Variants in MICAL2 observed in about 807,000 individuals in gnomAD.
MICAL2 encodes the protein [F-actin]-monooxygenase MICAL2.
Under a neutral mutation model 127.3 loss-of-function variants are expected in MICAL2, and 77 were observed. The ratio of observed to expected loss-of-function variants is 0.60; its 90% CI spans 0.50 to 0.73. MICAL2 has a LOEUF of 0.73. MICAL2 is among the 30% of genes least tolerant of loss of function. The pLI is 0.00. For synonymous variants in MICAL2, 570 were observed against 551.1 expected (o/e 1.03, Z -0.48); for missense variants, 1,351 against 1,434.4 (o/e 0.94, Z 0.94).
intron 34 of MICAL2, among the ~76,000 whole-genome samples, chr11:12,357,613 C>T (rs1234072108): frequency 6.6e-6 from 1 of 152,076 alleles, no homozygotes; most frequent in East Asian, 1.9e-4. Flanking sequence ...CTTAGGTGGG[C>T]TGATCACTAG....
chr11:12,166,060 G>A (rs1166554155), intron 3 of MICAL2, among the ~76,000 whole-genome samples: 1 of 152,164 alleles, frequency 6.6e-6, no homozygotes, highest in Non-Finnish European at 1.5e-5. Flanking sequence ...TGTTACACCC[G>A]ACTGAGTAGT....
Position 12,180,077 on chromosome 11 carries a change from A to G in MICAL2, c.264+17658A>G, listed in dbSNP as rs1857253722. On this transcript the variant is annotated intron_variant, in intron 3 of 27. Coordinates refer to ENST00000683283, the MANE Select transcript of MICAL2 (RefSeq NM_001282663.2). ...CCTTATCCCCTAACACACTGAAATC[A>G]GGGTTCATTCCCCTGTGCTAGTAGA... 2.6e-5 allele frequency among the ~76,000 whole-genome samples: 4 copies of G among 152,310 alleles called. No individual in the cohort carries two copies. In the South Asian group the frequency reaches 8.3e-4, roughly 32 times the overall value.
At chr11:12,152,269 G>T (rs1280964205) in intron 2 of MICAL2, among the ~76,000 whole-genome samples, 4 of 114,716 alleles carry the variant, frequency 3.5e-5, no homozygotes, top group African/African-American at 7.0e-5. Flanking sequence ...CTGCACTCTA[G>T]CTTTGGCAAC....
chr11:12,211,528 T>G (rs774185545), intron 6 of MICAL2, among the ~76,000 whole-genome samples: 10 of 152,218 alleles, frequency 6.6e-5, no homozygotes, highest in Non-Finnish European at 1.0e-4. Context: ...AGGTTATGTC[T>G]GGAGGTCTGC....
intron 2 of MICAL2, among the ~76,000 whole-genome samples, chr11:12,284,368 T>C (rs532685491): frequency 2.0e-5 from 3 of 152,208 alleles, no homozygotes; most frequent in African/African-American, 7.2e-5. Context: ...CTGAAAGTGC[T>C]CCTTTAAAAT....
intron 17 of MICAL2, 65 bp from the exon 18 acceptor site, chr11:12,240,975 T>C: frequency 6.3e-7 from 1 of 1,584,468 alleles, no homozygotes; most frequent in South Asian, 1.2e-5. Context: ...AGCCTCTCAA[T>C]CTGACTCACC....
intron 32 of MICAL2, among the ~76,000 whole-genome samples, chr11:12,331,119 A>T (rs1864423157): frequency 6.6e-6 from 1 of 152,130 alleles, no homozygotes; most frequent in South Asian, 2.1e-4. Context: ...AGGCACTGTT[A>T]CCTACTGGCT....
chr11:12,144,311 G>A (rs1356761360), intron 2 of MICAL2, among the ~76,000 whole-genome samples: 6 of 152,242 alleles, frequency 3.9e-5, no homozygotes, highest in African/African-American at 4.8e-5. Flanking sequence ...CAAGAGAAAT[G>A]TATTCATCAG....
chr11:12,117,992 C>T (rs561707494), intron 1 of MICAL2, among the ~76,000 whole-genome samples: 12 of 152,150 alleles, frequency 7.9e-5, no homozygotes, highest in African/African-American at 2.4e-4. Context: ...GGGTCCATGT[C>T]GGGAGAGCTT....
chr11:12,335,628 G>A (rs1276487570), intron 32 of MICAL2, among the ~76,000 whole-genome samples: 1 of 152,254 alleles, frequency 6.6e-6, no homozygotes, highest in African/African-American at 2.4e-5. Flanking sequence ...ATTAATTTTT[G>A]TATAAGGTGT....
chr11:12,174,844 G>A (rs1388083319), intron 3 of MICAL2, among the ~76,000 whole-genome samples: 1 of 152,172 alleles, frequency 6.6e-6, no homozygotes, highest in African/African-American at 2.4e-5. Context: ...TTTTCAGCCA[G>A]GCATGGTGGC....
At chr11:12,350,654 A>G (rs1037213062) in intron 33 of MICAL2, among the ~76,000 whole-genome samples, 1 of 152,190 alleles carries the variant, frequency 6.6e-6, no homozygotes, top group Admixed American at 6.5e-5. Context: ...GCCAGGTGAG[A>G]AATAAGACAA....
chr11:12,340,449 G>T (rs572935394), intron 32 of MICAL2, among the ~76,000 whole-genome samples: 26 of 152,328 alleles, frequency 1.7e-4, no homozygotes, highest in African/African-American at 5.3e-4. Flanking sequence ...AACACAAATT[G>T]TCACAACACT....
downstream of MICAL2, among the ~76,000 whole-genome samples, chr11:12,292,886 C>G (rs1001382552): frequency 6.6e-6 from 1 of 152,116 alleles, no homozygotes; most frequent in Non-Finnish European, 1.5e-5. Flanking sequence ...CACCAGAGGT[C>G]TTGGGAGGGC....
At chr11:12,310,814 T>G (rs1172846850) in intron 29 of MICAL2, among the ~76,000 whole-genome samples, 1 of 152,182 alleles carries the variant, frequency 6.6e-6, no homozygotes, top group Non-Finnish European at 1.5e-5. Flanking sequence ...ATGAGACTTC[T>G]TTCCATGTTT....
At chr11:12,191,303 TA>T (rs538741002) in intron 3 of MICAL2, among the ~76,000 whole-genome samples, 30 of 146,082 alleles carry the variant, frequency 2.1e-4, no homozygotes, top group East Asian at 4.0e-4. Flanking sequence ...TATCTCTATT[TA>T]AAAAAAAAAA....
intron 22 of MICAL2, chr11:12,253,396 A>C (rs1249790275): frequency 6.6e-6 from 1 of 151,932 alleles, no homozygotes; most frequent in African/African-American, 2.4e-5. Flanking sequence ...CCCATTCCAC[A>C]TACTGCTCTT....
At chr11:12,272,739 C>G (rs1283057608), upstream of MICAL2, among the ~76,000 whole-genome samples, 2 of 152,186 alleles carry the variant, frequency 1.3e-5, no homozygotes, top group Non-Finnish European at 2.9e-5. Flanking sequence ...ACTGGGTTGG[C>G]TCCAGGCTAT....
intron 3 of MICAL2, among the ~76,000 whole-genome samples, chr11:12,190,837 T>A (rs894465306): frequency 3.9e-5 from 6 of 152,232 alleles, no homozygotes; most frequent in African/African-American, 1.2e-4. Flanking sequence ...AACTTCAATG[T>A]CCTCACCTGA....
Sources: gnomAD v4.1 joint callset for allele counts (sites outside exome capture counted in the v4.1 genomes callset) on GRCh38, gnomAD v4.1.1 for gene constraint, MANE v1.5 for transcripts, NCBI Gene and HGNC (gene_info 2026-07-23, HGNC 2026-07-21) for gene names.